Variants in TULP4 observed in about 807,000 individuals in gnomAD.
TULP4 encodes TUB like protein 4, also known as tubby-related protein 4.
Under a neutral mutation model 129.0 loss-of-function variants are expected in TULP4, and 16 were observed. The ratio of observed to expected loss-of-function variants is 0.12; its 90% CI spans 0.08 to 0.19. TULP4 has a LOEUF of 0.19. Among genes scored for constraint, TULP4 ranks in the 10% least tolerant of loss-of-function variants. The probability of loss-of-function intolerance (pLI) is 1.00; values close to 1 mark genes in which losing one functional copy is unlikely to be tolerated. For synonymous variants in TULP4, 998 were observed against 854.0 expected, an observed-to-expected ratio of 1.17 and a Z score of -2.94; for missense variants, 1,842 against 2,059.1, an observed-to-expected ratio of 0.89 and a Z score of 2.04.
At chr6:158,253,523 ATTAGCAGGGAGGCC>A (rs957094702) in intron 1 of TULP4, among the ~76,000 whole-genome samples, 1 of 152,156 alleles carries the variant, frequency 6.6e-6, no homozygotes, top group African/African-American at 2.4e-5. Flanking sequence ...TCAAAAGAGC[ATTAGCAGGGAGGCC>A]TTAGATGCCT....
At chr6:158,386,199 C>A (rs1777444668) in intron 1 of TULP4, among the ~76,000 whole-genome samples, 1 of 151,962 alleles carries the variant, frequency 6.6e-6, no homozygotes, top group African/African-American at 2.4e-5. Flanking sequence ...GAGATACTCA[C>A]CCTAAATTTT....
At chr6:158,349,480 T>G (rs1245561629) in intron 1 of TULP4, among the ~76,000 whole-genome samples, 4 of 78,180 alleles carry the variant, frequency 5.1e-5, no homozygotes, top group Admixed American at 1.6e-4. Context: ...CCAGATGGGT[T>G]GGCAGCTGGG....
chr6:158,470,404 T>G (rs828140), intron 6 of TULP4, among the ~76,000 whole-genome samples: 1 of 152,166 alleles, frequency 6.6e-6, no homozygotes, highest in Non-Finnish European at 1.5e-5. Context: ...GTTGCCGGCT[T>G]GAATGCCTGG....
At chr6:158,362,925 AGTG>A (rs1387539888) in intron 1 of TULP4, among the ~76,000 whole-genome samples, 1 of 152,068 alleles carries the variant, frequency 6.6e-6, no homozygotes, top group South Asian at 2.1e-4. Flanking sequence ...AGCCGGGTGC[AGTG>A]GCAGGTGCCT....
chr6:158,250,913 A>T (rs1485649765), intron 1 of TULP4, among the ~76,000 whole-genome samples: 1 of 152,164 alleles, frequency 6.6e-6, no homozygotes, highest in Non-Finnish European at 1.5e-5. Flanking sequence ...TAAGCCAATG[A>T]CTTCCCCCTT....
chr6:158,243,849 T>G (rs1409814469), intron 1 of TULP4, among the ~76,000 whole-genome samples: 3 of 42,042 alleles, frequency 7.1e-5, no homozygotes, highest in Admixed American at 4.0e-4. Flanking sequence ...CTGAAATAGG[T>G]GTGTGTGTGT....
chr6:158,359,329 A>C (rs1156871938), intron 1 of TULP4, among the ~76,000 whole-genome samples: 1 of 152,192 alleles, frequency 6.6e-6, no homozygotes, highest in East Asian at 1.9e-4. Flanking sequence ...ATCTTGTATT[A>C]GGGTACTCTA....
intron 6 of TULP4, 23 bp from the exon 7 acceptor site, chr6:158,479,728 G>A: frequency 1.2e-6 from 2 of 1,607,150 alleles, no homozygotes; most frequent in Non-Finnish European, 8.5e-7. Flanking sequence ...CTTAAGCATT[G>A]TCTTCCCTTC....
chr6:158,244,897 T>C (rs1268832113), intron 1 of TULP4, among the ~76,000 whole-genome samples: 1 of 152,192 alleles, frequency 6.6e-6, no homozygotes, highest in Admixed American at 6.5e-5. Context: ...AAATTTCTGT[T>C]GTTTAAGCCA....
chr6:158,347,840 C>A (rs1780347936), intron 1 of TULP4, among the ~76,000 whole-genome samples: 1 of 151,456 alleles, frequency 6.6e-6, no homozygotes, highest in South Asian at 2.1e-4. Flanking sequence ...ATTTTTTTTT[C>A]TGAAATAACA....
At chr6:158,437,520 A>T (rs767268529) in intron 3 of TULP4, among the ~76,000 whole-genome samples, 5 of 151,346 alleles carry the variant, frequency 3.3e-5, no homozygotes, top group African/African-American at 4.9e-5. Flanking sequence ...GTGATAGCTC[A>T]CTGCACTCCA....
intron 1 of TULP4, among the ~76,000 whole-genome samples, chr6:158,329,378 G>A (rs1396345750): frequency 6.6e-6 from 1 of 150,874 alleles, no homozygotes; most frequent in African/African-American, 2.4e-5. Context: ...AGGCAAAACC[G>A]AGATTTGTAT....
chr6:158,499,279 T>A (rs1390984904), intron 12 of TULP4, among the ~76,000 whole-genome samples: 1 of 152,204 alleles, frequency 6.6e-6, no homozygotes, highest in African/African-American at 2.4e-5. Context: ...TTCTCAAATC[T>A]GCCGTGTCCA....
intron 1 of TULP4, among the ~76,000 whole-genome samples, chr6:158,363,497 C>A (rs1355620700): frequency 6.6e-6 from 1 of 151,740 alleles, no homozygotes; most frequent in Non-Finnish European, 1.5e-5. Context: ...TGTTTGTTTT[C>A]TTTTGAGGCG....
intron 1 of TULP4, among the ~76,000 whole-genome samples, chr6:158,239,085 G>A (rs1465014329): frequency 3.2e-5 from 4 of 124,498 alleles, no homozygotes; most frequent in African/African-American, 2.7e-5. Context: ...TCCCGGACGG[G>A]GCGGCTGGCC....
At chr6:158,480,425 C>T (rs953650379) in intron 7 of TULP4, among the ~76,000 whole-genome samples, 2 of 152,206 alleles carry the variant, frequency 1.3e-5, no homozygotes, top group Non-Finnish European at 2.9e-5. Context: ...AGGATTAGAC[C>T]CACCCCAGTT....
intron 1 of TULP4, among the ~76,000 whole-genome samples, chr6:158,377,850 C>G (rs1474213200): frequency 6.6e-6 from 1 of 152,058 alleles, no homozygotes; most frequent in Non-Finnish European, 1.5e-5. Flanking sequence ...TATGAGAAAC[C>G]ATTCCAAAAC....
intron 1 of TULP4, among the ~76,000 whole-genome samples, chr6:158,408,195 G>T (rs180996372): frequency 5.3e-5 from 8 of 152,288 alleles, no homozygotes; most frequent in Non-Finnish European, 1.2e-4. Context: ...GGTGCTGCAC[G>T]CAGAGCAAGC....
At chr6:158,425,013 G>A (rs1470777408) in intron 2 of TULP4, among the ~76,000 whole-genome samples, 2 of 151,676 alleles carry the variant, frequency 1.3e-5, no homozygotes, top group East Asian at 3.9e-4. Flanking sequence ...AATTAGCCGG[G>A]CGTGGTGGTG....
Sources: gnomAD v4.1 joint callset for allele counts (sites outside exome capture counted in the v4.1 genomes callset) on GRCh38, gnomAD v4.1.1 for gene constraint, MANE v1.5 for transcripts, NCBI Gene and HGNC (gene_info 2026-07-23, HGNC 2026-07-21) for gene names.